The following MAPK6 variants were observed in gnomAD, a reference collection of about 807,000 sequenced individuals.
MAPK6 encodes ERK-3.
Under a neutral mutation model 59.3 loss-of-function variants are expected in MAPK6, and 19 were observed. The ratio of observed to expected loss-of-function variants is 0.32; its 90% CI spans 0.22 to 0.47. The LOEUF (loss-of-function observed/expected upper bound fraction) is 0.47. MAPK6 is among the 20% of genes least tolerant of loss of function. The probability of loss-of-function intolerance (pLI) is 1.00; values close to 1 mark genes in which losing one functional copy is unlikely to be tolerated. For synonymous variants in MAPK6, 316 were observed against 290.3 expected, an observed-to-expected ratio of 1.09 and a Z score of -0.90; for missense variants, 724 against 847.9, an observed-to-expected ratio of 0.85 and a Z score of 1.81.
At chr15:52,063,116 G>A (rs1342304106) in intron 5 of MAPK6, among the ~76,000 whole-genome samples, 1 of 151,932 alleles carries the variant, frequency 6.6e-6, no homozygotes, top group Non-Finnish European at 1.5e-5. Context: ...TTGCCAGGCT[G>A]GAGTGCAATG....
At chr15:52,027,349 CA>C (rs71130120) in intron 1 of MAPK6, among the ~76,000 whole-genome samples, 16 of 49,190 alleles carry the variant, frequency 3.3e-4, no homozygotes, top group South Asian at 2.7e-3. Context: ...GACTCCCTCT[CA>C]AAAAAAAAAA....
intron 3 of MAPK6, among the ~76,000 whole-genome samples, chr15:52,006,133 C>G (rs1435156320): frequency 6.6e-6 from 1 of 152,134 alleles, no homozygotes; most frequent in Non-Finnish European, 1.5e-5. Context: ...GTGCTTTATT[C>G]TAAGAAAGAG....
intron 1 of MAPK6, among the ~76,000 whole-genome samples, chr15:52,030,631 TTTTTTTTTTTG>T (rs2030992720): frequency 7.7e-6 from 1 of 129,414 alleles, no homozygotes; most frequent in African/African-American, 3.1e-5. Flanking sequence ...TTTTTTTTTT[TTTTTTTTTTTG>T]AGGCAGAGTC....
upstream of MAPK6, among the ~76,000 whole-genome samples, chr15:52,015,086 C>T (rs184008806): frequency 2.6e-3 from 402 of 151,796 alleles, 3 homozygotes; most frequent in Non-Finnish European, 3.7e-3. Context: ...CTGCAACCTC[C>T]GCCTCCCGGG....
intron 1 of MAPK6, chr15:51,971,918 A>G: frequency 1.5e-6 from 1 of 650,450 alleles, no homozygotes; most frequent in Non-Finnish European, 2.7e-6. Context: ...TATGCATGGT[A>G]TATAAGCCCG....
At chr15:52,027,507 A>T (rs1393466491) in intron 1 of MAPK6, 2 of 151,390 alleles carry the variant, frequency 1.3e-5, no homozygotes, top group Non-Finnish European at 2.9e-5. Context: ...CTGAGTCTTC[A>T]TCTCTACCCG....
At chr15:52,015,058 TG>T (rs2030194546), upstream of MAPK6, among the ~76,000 whole-genome samples, 1 of 152,186 alleles carries the variant, frequency 6.6e-6, no homozygotes, top group Admixed American at 6.5e-5. Context: ...TGGAGTGCAA[TG>T]GTGTGATCTC....
chr15:51,976,983 A>T (rs2141801422), intron 1 of MAPK6, among the ~76,000 whole-genome samples: 1 of 151,738 alleles, frequency 6.6e-6, no homozygotes, highest in East Asian at 1.9e-4. Context: ...AAGGAAAATT[A>T]TCCATCCTAG....
chr15:52,015,417 G>T (rs1170916533), upstream of MAPK6, among the ~76,000 whole-genome samples: 1 of 152,020 alleles, frequency 6.6e-6, no homozygotes, highest in Admixed American at 6.6e-5. Flanking sequence ...AGAGTACTGG[G>T]ATTACAGGCC....
intron 1 of MAPK6, among the ~76,000 whole-genome samples, chr15:52,039,509 CTTTTT>C (rs11341546): frequency 2.3e-5 from 2 of 85,878 alleles, no homozygotes; most frequent in Non-Finnish European, 4.8e-5. Context: ...AGTGTTTTGT[CTTTTT>C]TTTTTTTTTT....
At chr15:52,036,241 C>CT (rs1834055875) in intron 1 of MAPK6, among the ~76,000 whole-genome samples, 1 of 152,192 alleles carries the variant, frequency 6.6e-6, no homozygotes, top group Admixed American at 6.6e-5. Flanking sequence ...ATGTGAAATT[C>CT]TTTGACTACA....
chr15:52,019,107 G>C (rs374659080), upstream of MAPK6: 3 of 152,266 alleles, frequency 2.0e-5, no homozygotes, highest in Non-Finnish European at 4.4e-5. Flanking sequence ...GCCCAGTCAC[G>C]GGCGCTGGAA....
chr15:51,988,654 C>G (rs572145037), intron 2 of MAPK6, among the ~76,000 whole-genome samples: 1 of 152,062 alleles, frequency 6.6e-6, no homozygotes, highest in Admixed American at 6.6e-5. Flanking sequence ...ATTGCTTGAA[C>G]CCGGGAGGCA....
At chr15:52,003,018 C>G (rs544618149) in intron 2 of MAPK6, among the ~76,000 whole-genome samples, 1 of 152,240 alleles carries the variant, frequency 6.6e-6, no homozygotes, top group Non-Finnish European at 1.5e-5. Context: ...GAAACCCCGT[C>G]TCTACTAAAA....
In MAPK6 at chr15:51,988,941, G is replaced by A. The variant is rs978103476; in HGVS notation, c.-770+5626G>A. Among the ~76,000 whole-genome samples the A allele has an allele frequency of 3.9e-5, 6 of 152,088 alleles. No homozygotes were observed. In the East Asian group the frequency reaches 7.7e-4, roughly 20 times the overall value. On this transcript the variant is annotated intron_variant, in intron 2 of 7. Coordinates refer to the MAPK6 transcript ENST00000691380. ...GCACTCCTTGGCTTGTGGAGTGCTC[G>A]AATCCCTGCATCTGTGGTCACATTG... is the stretch of plus-strand genomic sequence containing the variant.
At chr15:52,062,137 T>TG (rs1340379539) in intron 5 of MAPK6, among the ~76,000 whole-genome samples, 1 of 150,450 alleles carries the variant, frequency 6.6e-6, no homozygotes, top group Non-Finnish European at 1.5e-5. Flanking sequence ...TGGAGTGCAG[T>TG]GATGCAAGCT....
chr15:52,046,543 G>T lies in MAPK6; in HGVS notation c.83G>T (p.Cys28Phe), dbSNP rs750413811. The T allele has an allele frequency of 6.8e-6, 11 of 1,613,896 alleles. No individual in the cohort carries two copies. Among genetic ancestry groups the T allele is most frequent in the Non-Finnish European group, 8.5e-6 (10 of 1,179,868 alleles). ...TATATGGACTTAAAACCATTGGGTT[G>T]TGGAGGCAATGGCTTGGTTTTTTCT... Reference protein sequence around the residue: ...SRYMDLKPLGCGGNGLVFSAV... With the variant: ...SRYMDLKPLGFGGNGLVFSAV... Residue 28 changes from cysteine (C) to phenylalanine (F), a missense_variant, in exon 2 of 6, where the codon TGT becomes TTT. Physicochemically the swap from Cys to Phe is radical, Grantham distance 205 (BLOSUM62 -2). This residue lies in a region of MAPK6 where 30 missense variants were observed against 55.3 expected (regional missense o/e 0.54). Coordinates refer to ENST00000261845, the MANE Select transcript of MAPK6 (RefSeq NM_002748.4).
At chr15:52,032,144 G>A (rs2031061575) in intron 1 of MAPK6, among the ~76,000 whole-genome samples, 2 of 151,010 alleles carry the variant, frequency 1.3e-5, no homozygotes, top group Admixed American at 6.6e-5. Context: ...AAAGTGCTGG[G>A]ATTACAGGCG....
At chr15:52,038,126 G>T (rs572208752) in intron 1 of MAPK6, among the ~76,000 whole-genome samples, 1 of 148,132 alleles carries the variant, frequency 6.8e-6, no homozygotes, top group East Asian at 2.0e-4. Flanking sequence ...TGCTCCAGGA[G>T]TAATAATGTG....
Sources: gnomAD v4.1 joint callset for allele counts (sites outside exome capture counted in the v4.1 genomes callset) on GRCh38, gnomAD v4.1.1 for gene constraint, gnomAD v4.1.1 regional missense constraint, MANE v1.5 for transcripts, NCBI Gene and HGNC (gene_info 2026-07-23, HGNC 2026-07-21) for gene names.